The following DNMT3A variants were observed in gnomAD, a reference collection of about 807,000 sequenced individuals.
DNMT3A encodes DNA methyltransferase 3 alpha, also known as DNA (cytosine-5)-methyltransferase 3A.
Under a neutral mutation model 117.6 loss-of-function variants are expected in DNMT3A, and 267 were observed. That is an observed-to-expected ratio of 2.27 (90% CI 2.05 to 2.51). The LOEUF (loss-of-function observed/expected upper bound fraction) is 2.51, where lower values mean the gene tolerates loss of function less well. DNMT3A is among the 30% of genes most tolerant of loss of function. The probability of loss-of-function intolerance (pLI) is 0.00; values close to 1 mark genes in which losing one functional copy is unlikely to be tolerated. For synonymous variants in DNMT3A, 432 were observed against 474.8 expected (o/e 0.91, Z 1.17); for missense variants, 1,029 against 1,260.2 (o/e 0.82, Z 2.78).
At chr2:25,331,527 T>C (rs1190562782) in intron 1 of DNMT3A, among the ~76,000 whole-genome samples, 1 of 152,174 alleles carries the variant, frequency 6.6e-6, no homozygotes, top group Non-Finnish European at 1.5e-5. Context: ...CCAAAGATTC[T>C]CAGACGGTGA....
In DNMT3A at chr2:25,339,984, A is replaced by C. The variant is rs1220945109; in HGVS notation, c.-178+1842T>G. Among the ~76,000 whole-genome samples the C allele has an allele frequency of 6.6e-6, 1 of 152,150 alleles. No individual in the cohort carries two copies. The highest frequency in any genetic ancestry group is 1.5e-5 in the Non-Finnish European group (1 of 68,012). ...TGGCAGCCTAGGGTGAAACATGAAGACTGAGCAGGCCCTCAGGGATGCTGA... is the reference window on the plus strand; with the variant it reads ...TGGCAGCCTAGGGTGAAACATGAAGCCTGAGCAGGCCCTCAGGGATGCTGA... On this transcript the variant is annotated intron_variant, in intron 1 of 22. Coordinates refer to ENST00000321117, the MANE Select transcript of DNMT3A (RefSeq NM_022552.5). The surrounding 1 kb of genome is among the most constrained non-coding windows in gnomAD (Gnocchi z 4.9).
intron 6 of DNMT3A, among the ~76,000 whole-genome samples, chr2:25,258,909 C>G (rs957820319): frequency 6.6e-6 from 1 of 152,160 alleles, no homozygotes; most frequent in Non-Finnish European, 1.5e-5. Flanking sequence ...TGCACTGACA[C>G]TCTAGATGAA....
At chr2:25,289,786 G>A (rs2032607833) in intron 3 of DNMT3A, among the ~76,000 whole-genome samples, 1 of 152,188 alleles carries the variant, frequency 6.6e-6, no homozygotes, top group South Asian at 2.1e-4. Flanking sequence ...AAGGCAAGGA[G>A]GAGCCCTCTG....
rs143082541 is a variant in DNMT3A at position 25,337,757 on chromosome 2, C to G, written c.-178+4069G>C. Among the ~76,000 whole-genome samples the G allele has an allele frequency of 1.3e-3, 194 of 152,292 alleles. No individual in the cohort carries two copies. Among genetic ancestry groups the G allele is most frequent in the Middle Eastern group, 3.4e-3 (1 of 294 alleles). Reference sequence around the variant, plus strand: ...TCTCAGGCTGACACTTCATGGATCTCAGATTTGGTCATGTTCTTAGGGAAA... The same window carrying G: ...TCTCAGGCTGACACTTCATGGATCTGAGATTTGGTCATGTTCTTAGGGAAA... On this transcript the variant is annotated intron_variant, in intron 1 of 22. Transcript: ENST00000321117. This position sits in a 1 kb window ranked among gnomAD's most constrained non-coding sequence, Gnocchi z 5.0.
intron 4 of DNMT3A, among the ~76,000 whole-genome samples, chr2:25,276,210 C>T (rs192548140): frequency 1.2e-4 from 18 of 152,144 alleles, no homozygotes; most frequent in Non-Finnish European, 7.4e-5. Context: ...TCTCATTCTC[C>T]GTCCCTCCAC....
intron 17 of DNMT3A, among the ~76,000 whole-genome samples, chr2:25,241,135 T>C (rs1673978387): frequency 6.6e-6 from 1 of 152,162 alleles, no homozygotes; most frequent in Admixed American, 6.5e-5. Context: ...TGCCTGAGCC[T>C]CCCAGATATG....
chr2:25,274,624 C>T (rs574916798), intron 6 of DNMT3A, among the ~76,000 whole-genome samples: 5 of 152,342 alleles, frequency 3.3e-5, no homozygotes, highest in Non-Finnish European at 5.9e-5. Flanking sequence ...CTGTCTTGAC[C>T]ACCCCAACTA....
Position 25,286,594 on chromosome 2 carries a change from T to C in DNMT3A, c.178-3883A>G, listed in dbSNP as rs151324974. On this transcript the variant is annotated intron_variant, in intron 3 of 22. Transcript: ENST00000321117. The surrounding 1 kb of genome is among the most constrained non-coding windows in gnomAD (Gnocchi z 4.3). ...GCCACGCTCAACCCTTGATTCATCC[T>C]ACCCATCAAGAACTCCCTCAAGCTA... Among the ~76,000 whole-genome samples the C allele has an allele frequency of 2.4e-4, 36 of 152,354 alleles. No homozygotes were observed. The highest frequency in any genetic ancestry group is 8.7e-4 in the African/African-American group (36 of 41,580).
At chr2:25,235,604 G>A (rs1411989103) in intron 22 of DNMT3A, 103 bp downstream of exon 22, 7 of 901,608 alleles carry the variant, frequency 7.8e-6, no homozygotes, top group Non-Finnish European at 1.1e-5. Context: ...TTCCCAGGAC[G>A]TTTGTGGAAA....
chr2:25,329,126 T>C (rs1218982293), intron 1 of DNMT3A, among the ~76,000 whole-genome samples: 3 of 152,126 alleles, frequency 2.0e-5, no homozygotes, highest in Non-Finnish European at 4.4e-5. Context: ...GGGCCGCCTT[T>C]CTCCTCATCG....
chr2:25,248,882 T>C (rs1675187267), intron 6 of DNMT3A, among the ~76,000 whole-genome samples: 1 of 152,176 alleles, frequency 6.6e-6, no homozygotes, highest in African/African-American at 2.4e-5. Flanking sequence ...TTATTATTAT[T>C]ATACTTTAAG....
intron 15 of DNMT3A, 49 bp from the exon 16 acceptor site, chr2:25,244,031 G>A: frequency 6.4e-7 from 1 of 1,556,910 alleles, no homozygotes; most frequent in Non-Finnish European, 8.7e-7. Flanking sequence ...GGTGTCCCAA[G>A]CTCCCACCCA....
intron 2 of DNMT3A, among the ~76,000 whole-genome samples, chr2:25,301,878 C>G (rs147490024): frequency 6.6e-6 from 1 of 152,092 alleles, no homozygotes; most frequent in African/African-American, 2.4e-5. Flanking sequence ...GTAAGATGGC[C>G]CTCAACAACC....
chr2:25,244,683 C>T (rs765302853), intron 13 of DNMT3A, 31 bp from the exon 14 acceptor site: 6 of 1,597,062 alleles, frequency 3.8e-6, no homozygotes, highest in African/African-American at 2.7e-5. Context: ...TCAGAAACCA[C>T]CAGGACGGGT....
intron 2 of DNMT3A, among the ~76,000 whole-genome samples, chr2:25,303,138 T>G (rs2033607823): frequency 6.6e-6 from 1 of 152,258 alleles, no homozygotes; most frequent in Non-Finnish European, 1.5e-5. Flanking sequence ...AACTATTTCT[T>G]TAACAAGCTG....
At chr2:25,263,210 A>T (rs923674682) in intron 6 of DNMT3A, among the ~76,000 whole-genome samples, 2 of 152,144 alleles carry the variant, frequency 1.3e-5, no homozygotes, top group Admixed American at 6.5e-5. Context: ...TGCTGGGATT[A>T]CACTGCACCC....
chr2:25,299,579 C>G (rs533756479), intron 3 of DNMT3A, among the ~76,000 whole-genome samples: 7 of 152,294 alleles, frequency 4.6e-5, no homozygotes, highest in Non-Finnish European at 8.8e-5. Context: ...GTCTTAGGCC[C>G]AAGACCAACC....
At position 25,327,805 on chromosome 2, in the gene DNMT3A, T is replaced by G. The variant is rs1355390840; in HGVS notation, c.-177-13644A>C. ...GCTTCTTTCAGAGCCGGCTCTATTT[T>G]CTGGTTTTTCCCTCTATGTGGAAGT... is the stretch of plus-strand genomic sequence containing the variant. On this transcript the variant is annotated intron_variant, in intron 1 of 22. Transcript: ENST00000321117. This position sits in a 1 kb window ranked among gnomAD's most constrained non-coding sequence, Gnocchi z 4.1. Among the ~76,000 whole-genome samples, 1 of 152,184 alleles carries G rather than the reference T, an allele frequency of 6.6e-6. No homozygotes were observed.
rs1457601293 is a variant in DNMT3A at position 25,228,914 on chromosome 2, A to AC, written c.*5364dup. ...TGGGGCTGAGGGAGCCGCCCTCCTCACCCCCCAGTGGAGCTGAGCCAGGGA... is the reference window on the plus strand; with the variant it reads ...TGGGGCTGAGGGAGCCGCCCTCCTCACCCCCCCAGTGGAGCTGAGCCAGGGA... On this transcript the variant is annotated 3_prime_UTR_variant, in exon 23 of 23. Coordinates refer to ENST00000321117, the MANE Select transcript of DNMT3A (RefSeq NM_022552.5). The AC allele has an allele frequency of 2.6e-5, 4 of 151,744 alleles. No homozygotes were observed. The highest frequency in any genetic ancestry group is 1.9e-4 in the East Asian group (1 of 5,182). 9.4% of individuals were successfully genotyped at this position (151,744 alleles called of 1,614,324 possible).
Sources: allele counts gnomAD v4.1 joint callset (sites outside exome capture counted in the v4.1 genomes callset), GRCh38; gene constraint gnomAD v4.1.1; non-coding constraint Gnocchi (gnomAD v3.1); transcripts MANE v1.5; gene names NCBI Gene and HGNC (gene_info 2026-07-23, HGNC 2026-07-21).